The following SCP2 variants were observed in gnomAD, a reference collection of about 807,000 sequenced individuals.
SCP2 encodes sterol carrier protein 2.
Under a neutral mutation model 71.4 loss-of-function variants are expected in SCP2, and 48 were observed. The observed-to-expected ratio is 0.67, with a 90% CI of 0.53 to 0.86. The LOEUF is 0.86. SCP2 is among the 40% of genes least tolerant of loss of function. The probability of loss-of-function intolerance (pLI) is 0.00; values close to 1 mark genes in which losing one functional copy is unlikely to be tolerated. For missense variants in SCP2, 560 were observed against 655.6 expected, an observed-to-expected ratio of 0.85 and a Z score of 1.59; for synonymous variants, 220 against 218.1, an observed-to-expected ratio of 1.01 and a Z score of -0.08.
At chr1:53,027,591 G>A (rs1662223054) in intron 12 of SCP2, among the ~76,000 whole-genome samples, 2 of 151,920 alleles carry the variant, frequency 1.3e-5, no homozygotes, top group Non-Finnish European at 2.9e-5. Flanking sequence ...TGCAACCTCC[G>A]CCTCCTAGGT....
chr1:52,929,483 TCCCC>T (rs1244020699), intron 1 of SCP2, among the ~76,000 whole-genome samples: 2 of 152,002 alleles, frequency 1.3e-5, no homozygotes, highest in Non-Finnish European at 2.9e-5. Context: ...TCTCACTCTG[TCCCC>T]CAGTCTGGAG....
rs1557609381 is a variant in SCP2, at chr1:53,014,913, T to TGA, written c.1106_1107insAG (p.Cys369Ter). The TGA allele has an allele frequency of 6.2e-7, 1 of 1,613,476 alleles. No individual in the cohort carries two copies. Among genetic ancestry groups the TGA allele is most frequent in the Admixed American group, 1.7e-5 (1 of 60,018 alleles). ...AGGTCTTGCTCAGTGTGCAGAACTC[T>TGA]GCTGGCAGCTGAGAGGGGAAGCCGG... ...ATGLAQCAELCWQLRGEAGKR... is the reference protein window; with the variant it reads ...ATGLAQCAEL The change falls in exon 12 of 16, where the codon TGC (cysteine) becomes TGAGC (stop). Residue 369 changes from cysteine to a stop codon, truncating the protein, a stop_gained and frameshift_variant. Coordinates refer to ENST00000371514, the MANE Select transcript of SCP2 (RefSeq NM_002979.5). LOFTEE classifies it high-confidence loss of function.
At chr1:52,954,551 A>G (rs1460786698) in intron 4 of SCP2, among the ~76,000 whole-genome samples, 189 bp from the exon 5 acceptor site, 1 of 152,104 alleles carries the variant, frequency 6.6e-6, no homozygotes, top group Non-Finnish European at 1.5e-5. Flanking sequence ...GAGTCTTACT[A>G]TGTTGCCTGG....
At chr1:53,011,147 A>G (rs1166302569) in intron 11 of SCP2, among the ~76,000 whole-genome samples, 8 of 152,238 alleles carry the variant, frequency 5.3e-5, no homozygotes, top group Non-Finnish European at 8.8e-5. Flanking sequence ...TTCCTCAAAA[A>G]TTCAGGCTCT....
At chr1:52,959,904 T>C (rs1656181662) in intron 5 of SCP2, among the ~76,000 whole-genome samples, 1 of 151,822 alleles carries the variant, frequency 6.6e-6, no homozygotes, top group Non-Finnish European at 1.5e-5. Context: ...TTTTTTTTTT[T>C]TTTTTGAGAC....
intron 11 of SCP2, among the ~76,000 whole-genome samples, chr1:53,002,116 G>A (rs1379635423): frequency 2.6e-5 from 4 of 151,662 alleles, no homozygotes; most frequent in African/African-American, 4.8e-5. Context: ...CCTGGGAGGC[G>A]GCGGAGCTTG....
chr1:53,041,625 A>G (rs191436648), intron 14 of SCP2, among the ~76,000 whole-genome samples: 1 of 152,292 alleles, frequency 6.6e-6, no homozygotes, highest in Non-Finnish European at 1.5e-5. Context: ...CCACTGTCTA[A>G]GTGAGCGGAG....
intron 11 of SCP2, among the ~76,000 whole-genome samples, chr1:53,003,566 G>A (rs1283316356): frequency 1.3e-5 from 2 of 152,134 alleles, no homozygotes; most frequent in African/African-American, 2.4e-5. Flanking sequence ...AGGCTGAAGT[G>A]CAGTGCAAAC....
At chr1:52,994,391 T>G (rs1470124855) in intron 11 of SCP2, 4 of 557,608 alleles carry the variant, frequency 7.2e-6, no homozygotes, top group Non-Finnish European at 9.1e-6. Context: ...TTTTCTCTTC[T>G]GAAATAGCAT....
chr1:52,994,744 A>G (rs1659800460), intron 11 of SCP2: 1 of 719,036 alleles, frequency 1.4e-6, no homozygotes, highest in East Asian at 4.7e-5. Context: ...AATCGTGCAC[A>G]TCCAGGCCTG....
intron 1 of SCP2, among the ~76,000 whole-genome samples, chr1:52,932,438 C>G (rs1163398634): frequency 2.6e-5 from 4 of 152,132 alleles, no homozygotes; most frequent in African/African-American, 9.7e-5. Flanking sequence ...AAAAAATTAA[C>G]TTCTTACACA....
rs72897391 is a variant in SCP2 at position 52,943,615 on chromosome 1, G to A, written c.127+1762G>A. 326 of 427,726 alleles carry A rather than the reference G, an allele frequency of 7.6e-4. 1 individual carries two copies. Among genetic ancestry groups the A allele is most frequent in the African/African-American group, 6.0e-3 (295 of 49,116 alleles). The allele number at this position is 427,726 out of a possible 1,614,324, so 26.5% of individuals were successfully genotyped here. A position where few individuals can be genotyped will look rare whatever the true frequency, so the allele number is the denominator to read the frequency against. ...TGGCATGGATAGTGCACAGGTTGGT[G>A]TCTTCAAAAAGGCCAACGAGATAGG... is the stretch of plus-strand genomic sequence containing the variant. On this transcript the variant is annotated intron_variant, in intron 2 of 15. Transcript: ENST00000371514.
chr1:53,014,187 G>A (rs1331500740), intron 11 of SCP2, among the ~76,000 whole-genome samples: 2 of 150,998 alleles, frequency 1.3e-5, no homozygotes, highest in African/African-American at 4.9e-5. Flanking sequence ...TTACAGGCGT[G>A]AGCCACCGCG....
chr1:52,961,554 A>G lies in SCP2; in HGVS notation c.448A>G (p.Lys150Glu). ...TAAGCATGTTGACCTCCTGATCAATAAGTATGGATTGTCTGCTCACCCAGT... is the reference window on the plus strand; with the variant it reads ...TAAGCATGTTGACCTCCTGATCAATGAGTATGGATTGTCTGCTCACCCAGT... The part of the protein sequence containing the change: ...TDKHVDLLIN[K>E]YGLSAHPVAP... Residue 150 changes from lysine (K) to glutamate (E), a missense_variant, in exon 6 of 16, where the codon AAG becomes GAG. Around this residue, in one of 3 missense-constraint regions of SCP2, gnomAD observed 513 missense variants for 573.1 expected, o/e 0.90. Transcript: ENST00000371514. 2 of 1,613,802 alleles carry G rather than the reference A, an allele frequency of 1.2e-6. No individual in the cohort carries two copies. The highest frequency in any genetic ancestry group is 1.7e-6 in the Non-Finnish European group (2 of 1,179,744).
In SCP2 at chr1:52,954,824, A is replaced by C. The variant is rs537630680; in HGVS notation, c.396+20A>C. On this transcript the variant is annotated intron_variant, in intron 5 of 15. Transcript: ENST00000371514. ...ATAAAAGTGAGTGTTATTTTGGCAT[A>C]GTTACTAAATGAGCTAATATAACCC... is the stretch of plus-strand genomic sequence containing the variant. 1.8e-5 allele frequency: 29 copies of C among 1,596,868 alleles called. No individual in the cohort carries two copies. Among genetic ancestry groups the C allele is most frequent in the Middle Eastern group, 1.7e-4 (1 of 6,038 alleles).
intron 11 of SCP2, among the ~76,000 whole-genome samples, chr1:52,990,431 A>G (rs1024830276): frequency 6.6e-6 from 1 of 152,182 alleles, no homozygotes; most frequent in African/African-American, 2.4e-5. Flanking sequence ...CCATATATAA[A>G]GAACTAAAGG....
At chr1:52,985,308 C>T (rs2150181992) in intron 10 of SCP2, among the ~76,000 whole-genome samples, 1 of 152,286 alleles carries the variant, frequency 6.6e-6, no homozygotes, top group East Asian at 1.9e-4. Context: ...TTTCTCCTCC[C>T]TCAGTCTTCC....
intron 14 of SCP2, among the ~76,000 whole-genome samples, chr1:53,041,624 A>G (rs550699344): frequency 6.6e-6 from 1 of 152,266 alleles, no homozygotes; most frequent in East Asian, 1.9e-4. Flanking sequence ...GCCACTGTCT[A>G]AGTGAGCGGA....
intron 13 of SCP2, among the ~76,000 whole-genome samples, chr1:53,031,925 T>C (rs1662573583): frequency 6.6e-6 from 1 of 151,472 alleles, no homozygotes; most frequent in Non-Finnish European, 1.5e-5. Flanking sequence ...CTGTAACTTG[T>C]TGGTGTCTGC....
Sources: gnomAD v4.1 joint callset for allele counts (sites outside exome capture counted in the v4.1 genomes callset) on GRCh38, gnomAD v4.1.1 for gene constraint, gnomAD v4.1.1 regional missense constraint, MANE v1.5 for transcripts, NCBI Gene and HGNC (gene_info 2026-07-23, HGNC 2026-07-21) for gene names.